Variants in RBFOX1 observed in about 807,000 individuals in gnomAD.
RBFOX1 encodes the protein RNA binding fox-1 homolog 1, also known as RNA binding protein fox-1 homolog 1.
Under a neutral mutation model 57.7 loss-of-function variants are expected in RBFOX1, and 8 were observed. The ratio of observed to expected loss-of-function variants is 0.14; its 90% CI spans 0.08 to 0.25. The LOEUF is 0.25. Ranked by LOEUF, RBFOX1 falls within the 10% of genes least tolerant of loss-of-function variation. The probability of loss-of-function intolerance (pLI) is 1.00; values close to 1 mark genes in which losing one functional copy is unlikely to be tolerated. For missense variants in RBFOX1, 611 were observed against 548.5 expected (o/e 1.11, Z -1.14); for synonymous variants, 326 against 222.4 (o/e 1.47, Z -4.15).
At chr16:6,347,975 C>T (rs567549581) in intron 2 of RBFOX1, among the ~76,000 whole-genome samples, 1 of 152,306 alleles carries the variant, frequency 6.6e-6, no homozygotes, top group South Asian at 2.1e-4. Context: ...TACAAGAAAG[C>T]AGGAAAACAG....
chr16:5,676,137 T>A (rs1209841609), intron 3 of RBFOX1, among the ~76,000 whole-genome samples: 2 of 152,008 alleles, frequency 1.3e-5, no homozygotes, highest in African/African-American at 2.4e-5. Context: ...AATACCTAAT[T>A]CAAGCAGGGC....
intron 2 of RBFOX1, among the ~76,000 whole-genome samples, chr16:6,359,672 G>A (rs1261531072): frequency 6.6e-6 from 1 of 152,164 alleles, no homozygotes; most frequent in Non-Finnish European, 1.5e-5. Flanking sequence ...GGATGTTTCT[G>A]CAAGTAAGTC....
At chr16:6,235,845 G>T (rs981788486) in intron 1 of RBFOX1, among the ~76,000 whole-genome samples, 12 of 151,962 alleles carry the variant, frequency 7.9e-5, no homozygotes, top group African/African-American at 2.7e-4. Flanking sequence ...ATGGACTCTG[G>T]GGACTCAGGA....
In RBFOX1 at chr16:6,782,617, G is replaced by C. The variant is rs150881203; in HGVS notation, c.-16+127967G>C. Among the ~76,000 whole-genome samples, 544 of 152,164 alleles carry C rather than the reference G, an allele frequency of 3.6e-3. 7 individuals carry two copies. Among genetic ancestry groups the C allele is most frequent in the African/African-American group, 0.012 (493 of 41,524 alleles). The stretch of plus-strand genomic sequence containing the variant: ...TACCTGCTATGATTTGGATTTTTCT[G>C]AATTTCTGAGACTTGTGTTTCGGCC... On this transcript the variant is annotated intron_variant, in intron 3 of 15. Coordinates refer to ENST00000550418, the MANE Select transcript of RBFOX1 (RefSeq NM_018723.4).
Position 6,634,947 on chromosome 16 carries a change from T to C in RBFOX1, c.-63-19656T>C, listed in dbSNP as rs1407477617. Among the ~76,000 whole-genome samples, 4 of 140,950 alleles carry C rather than the reference T, an allele frequency of 2.8e-5. No homozygotes were observed. The East Asian group carries it at 8.2e-4, about 29-fold the overall frequency. The allele number at this position is 140,950 out of a possible 152,430, so 92.5% of individuals were successfully genotyped here. ...TATAATATAATTTAAATTAGTAATT[T>C]AGTTTATAATTATTACATATATTAT... is the stretch of plus-strand genomic sequence containing the variant. On this transcript the variant is annotated intron_variant, in intron 2 of 15. Coordinates refer to ENST00000550418, the MANE Select transcript of RBFOX1 (RefSeq NM_018723.4).
At chr16:6,990,592 A>T (rs1377616168) in intron 3 of RBFOX1, among the ~76,000 whole-genome samples, 1 of 152,104 alleles carries the variant, frequency 6.6e-6, no homozygotes, top group Non-Finnish European at 1.5e-5. Flanking sequence ...AATATATCCA[A>T]GTTTACCAAG....
At chr16:7,072,848 T>A (rs900718319) in intron 4 of RBFOX1, among the ~76,000 whole-genome samples, 2 of 152,146 alleles carry the variant, frequency 1.3e-5, no homozygotes, top group Admixed American at 1.3e-4. Context: ...GTCTTGAACA[T>A]AAGTGCTCTG....
chr16:7,337,126 A>G (rs934973345), intron 4 of RBFOX1, among the ~76,000 whole-genome samples: 8 of 152,194 alleles, frequency 5.3e-5, no homozygotes, highest in African/African-American at 1.9e-4. Context: ...TGGAGAACCT[A>G]AAACCTACAC....
intron 1 of RBFOX1, among the ~76,000 whole-genome samples, chr16:6,052,038 C>T (rs988899323): frequency 6.6e-6 from 1 of 152,190 alleles, no homozygotes; most frequent in African/African-American, 2.4e-5. Flanking sequence ...TCATGCCAAA[C>T]AAGCCTGTTT....
rs934608375 is a variant in RBFOX1, at chr16:6,019,480, C to T, written c.-639C>T. The T allele has an allele frequency of 7.0e-6, 7 of 1,005,312 alleles. No individual in the cohort carries two copies. The highest frequency in any genetic ancestry group is 1.7e-5 in the African/African-American group (1 of 58,126). The allele number at this position is 1,005,312 out of a possible 1,614,324, so 62.3% of individuals were successfully genotyped here. A position where few individuals can be genotyped will look rare whatever the true frequency, so the allele number is the denominator to read the frequency against. ...GAACTCGCGGAGGGGAATCCCTCCC[C>T]CTCCGCCCCAGCCCCCCAGCAGCAC... On this transcript the variant is annotated 5_prime_UTR_variant, in exon 1 of 16. Transcript: ENST00000550418. The surrounding 1 kb of genome is among the most constrained non-coding windows in gnomAD (Gnocchi z 4.2).
chr16:6,993,720 G>C (rs544946861), intron 3 of RBFOX1, among the ~76,000 whole-genome samples: 1 of 152,084 alleles, frequency 6.6e-6, no homozygotes, highest in Non-Finnish European at 1.5e-5. Context: ...TCCAATTTGC[G>C]TGTGTTTGGC....
At chr16:6,436,553 C>T (rs2094241354) in intron 2 of RBFOX1, among the ~76,000 whole-genome samples, 1 of 125,218 alleles carries the variant, frequency 8.0e-6, no homozygotes, top group African/African-American at 3.0e-5. Context: ...TTTTATTTCA[C>T]ATATAGGTCC....
intron 4 of RBFOX1, among the ~76,000 whole-genome samples, chr16:7,498,763 A>G (rs528468603): frequency 3.3e-5 from 5 of 152,318 alleles, no homozygotes; most frequent in East Asian, 3.9e-4. Context: ...TAGGACAGCA[A>G]GGTGAAACTA....
chr16:6,928,210 G>C (rs1293972640), intron 3 of RBFOX1, among the ~76,000 whole-genome samples: 1 of 152,140 alleles, frequency 6.6e-6, no homozygotes, highest in Non-Finnish European at 1.5e-5. Context: ...TGATGTCTGG[G>C]TACTGCCCCC....
chr16:6,965,461 C>G (rs779005004), intron 3 of RBFOX1, among the ~76,000 whole-genome samples: 1 of 152,018 alleles, frequency 6.6e-6, no homozygotes, highest in Non-Finnish European at 1.5e-5. Flanking sequence ...CTAAACCTCC[C>G]CAGTAGCTGG....
At chr16:6,256,215 A>ATATGTGTG (rs2097663821) in intron 1 of RBFOX1, among the ~76,000 whole-genome samples, 1 of 105,148 alleles carries the variant, frequency 9.5e-6, no homozygotes. Context: ...ATATGTGTAT[A>ATATGTGTG]TATATGTATA....
chr16:5,303,504 G>T (rs2063855861), intron 1 of RBFOX1, among the ~76,000 whole-genome samples: 1 of 152,112 alleles, frequency 6.6e-6, no homozygotes, highest in Admixed American at 6.5e-5. Context: ...AGGAGGCAGG[G>T]AACATTCTGA....
chr16:6,890,775 T>A (rs1019624689), intron 3 of RBFOX1, among the ~76,000 whole-genome samples: 2 of 152,312 alleles, frequency 1.3e-5, no homozygotes, highest in East Asian at 1.9e-4. Context: ...TAAGCTTTTT[T>A]AACCTACGTA....
chr16:6,921,896 A>G (rs1005778198), intron 3 of RBFOX1, among the ~76,000 whole-genome samples: 3 of 152,242 alleles, frequency 2.0e-5, no homozygotes, highest in Admixed American at 6.5e-5. Context: ...GAGATTATGC[A>G]AGGGTGAGAA....
Sources: gnomAD v4.1 joint callset for allele counts (sites outside exome capture counted in the v4.1 genomes callset) on GRCh38, gnomAD v4.1.1 for gene constraint, Gnocchi (gnomAD v3.1) non-coding constraint, MANE v1.5 for transcripts, NCBI Gene and HGNC (gene_info 2026-07-23, HGNC 2026-07-21) for gene names.